The following NPAS3 variants were observed in gnomAD, a reference collection of about 807,000 sequenced individuals.
NPAS3 encodes the protein neuronal PAS domain protein 3.
NPAS3 carries 14 observed loss-of-function variants against 73.1 expected under a neutral mutation model. That is an observed-to-expected ratio of 0.19 (90% CI 0.13 to 0.30). The LOEUF is 0.30. NPAS3 is among the 10% of genes least tolerant of loss of function. NPAS3 has a pLI of 1.00. For synonymous variants in NPAS3, 620 were observed against 541.5 expected, an observed-to-expected ratio of 1.14 and a Z score of -2.01; for missense variants, 1,096 against 1,250.0, an observed-to-expected ratio of 0.88 and a Z score of 1.86.
At chr14:33,370,051 A>G (rs2046018521) in intron 4 of NPAS3, among the ~76,000 whole-genome samples, 1 of 152,168 alleles carries the variant, frequency 6.6e-6, no homozygotes. Context: ...TCAGCAAAGT[A>G]GTATAGGCAT....
At chr14:33,446,544 T>C (rs1300694396) in intron 4 of NPAS3, among the ~76,000 whole-genome samples, 1 of 152,230 alleles carries the variant, frequency 6.6e-6, no homozygotes, top group Non-Finnish European at 1.5e-5. Flanking sequence ...CTTTACTAGA[T>C]AGTTGTATCT....
Position 33,654,937 on chromosome 14 carries a change from A to C in NPAS3, c.559-21274A>C, listed in dbSNP as rs534909605. On this transcript the variant is annotated intron_variant, in intron 5 of 11. Coordinates refer to ENST00000356141, the Ensembl canonical transcript of NPAS3. ...GAGGAAACTTAAAATGGGAGAAAGG[A>C]GGAAGGCTAGAACTTTCTGAATACA... Among the ~76,000 whole-genome samples the C allele has an allele frequency of 3.8e-4, 58 of 152,330 alleles. No individual in the cohort carries two copies. The South Asian group carries it at 4.6e-3, about 12-fold the overall frequency.
chr14:33,604,411 T>C lies in NPAS3; in HGVS notation c.558+44201T>C, dbSNP rs76412905. ...TCAGATCAAAGAATATAACTATGGA[T>C]AAAGAAGTTCATTTCATAATAAAAA... is the stretch of plus-strand genomic sequence containing the variant. On this transcript the variant is annotated intron_variant, in intron 5 of 11. Transcript: ENST00000356141. Among the ~76,000 whole-genome samples, 2,042 of 152,126 alleles carry C rather than the reference T, an allele frequency of 0.013. 106 individuals are homozygous for C. The East Asian group carries it at 0.2, about 15-fold the overall frequency.
Position 33,394,833 on chromosome 14 carries a change from A to G in NPAS3, c.468+27565A>G, listed in dbSNP as rs1403623281. Among the ~76,000 whole-genome samples the G allele has an allele frequency of 2.0e-5, 3 of 152,148 alleles. No homozygotes were observed. The East Asian group carries it at 5.8e-4, about 29-fold the overall frequency. ...GTTGATAAGTGCATTTGCCTTGCAT[A>G]TTGTTTTTTATCTTTACCCAGATGC... On this transcript the variant is annotated intron_variant, in intron 4 of 11. Transcript: ENST00000356141.
At chr14:33,177,754 A>G in intron 2 of NPAS3, among the ~76,000 whole-genome samples, 1 of 152,218 alleles carries the variant, frequency 6.6e-6, no homozygotes, top group Non-Finnish European at 1.5e-5. Flanking sequence ...TTTGTTAAAG[A>G]AACTAGTCTT....
At position 33,362,689 on chromosome 14, in the gene NPAS3, C is replaced by G. The variant is rs530267383; in HGVS notation, c.386-4497C>G. ...AGGGGAGCTATCAGGGGTTACCGGGCATGAAGCCTGCCTTTTTGCCAGGCG... is the reference window on the plus strand; with the variant it reads ...AGGGGAGCTATCAGGGGTTACCGGGGATGAAGCCTGCCTTTTTGCCAGGCG... On this transcript the variant is annotated intron_variant, in intron 3 of 11. Coordinates refer to ENST00000356141, the Ensembl canonical transcript of NPAS3. Among the ~76,000 whole-genome samples the G allele has an allele frequency of 1.9e-4, 29 of 152,214 alleles. No individual in the cohort carries two copies. In the East Asian group the frequency reaches 5.2e-3, roughly 27 times the overall value.
At chr14:33,420,612 A>G (rs948786465) in intron 4 of NPAS3, among the ~76,000 whole-genome samples, 2 of 151,924 alleles carry the variant, frequency 1.3e-5, no homozygotes, top group African/African-American at 4.8e-5. Context: ...ATTGCAAAGC[A>G]CAGATGGATA....
chr14:33,082,407 G>T (rs2041888441), intron 2 of NPAS3, among the ~76,000 whole-genome samples: 1 of 152,146 alleles, frequency 6.6e-6, no homozygotes. Flanking sequence ...TTGCAAATTT[G>T]ATTTAAAAGA....
chr14:33,466,404 G>A (rs2050527590), intron 4 of NPAS3, among the ~76,000 whole-genome samples: 1 of 152,250 alleles, frequency 6.6e-6, no homozygotes, highest in South Asian at 2.1e-4. Flanking sequence ...TCACATAATG[G>A]AAGTAGCCAT....
intron 4 of NPAS3, among the ~76,000 whole-genome samples, chr14:33,403,589 G>A (rs1310887589): frequency 6.6e-6 from 1 of 152,082 alleles, no homozygotes; most frequent in African/African-American, 2.4e-5. Flanking sequence ...GGTACATGGG[G>A]TTTGTATTCA....
intron 2 of NPAS3, among the ~76,000 whole-genome samples, chr14:33,143,833 T>C (rs2044145751): frequency 6.6e-6 from 1 of 152,224 alleles, no homozygotes; most frequent in Non-Finnish European, 1.5e-5. Flanking sequence ...GCCTTTTGTG[T>C]CTGGTTTCTT....
intron 2 of NPAS3, among the ~76,000 whole-genome samples, chr14:33,095,783 C>T (rs566966985): frequency 1.3e-5 from 2 of 151,332 alleles, no homozygotes; most frequent in East Asian, 3.9e-4. Flanking sequence ...ATTCTCCTGC[C>T]TCAGCCTCTG....
In NPAS3 at chr14:33,116,062, G is replaced by C. The variant is rs571590204; in HGVS notation, c.140+60068G>C. ...CAAATTGTCATTTCTCTTAAAAAAA[G>C]AAAAAAGAGTCAGCTTTAAAATCTG... On this transcript the variant is annotated intron_variant, in intron 2 of 11. Coordinates refer to ENST00000356141, the Ensembl canonical transcript of NPAS3. Among the ~76,000 whole-genome samples the C allele has an allele frequency of 7.2e-5, 11 of 152,052 alleles. No homozygotes were observed. In the South Asian group the frequency reaches 8.3e-4, roughly 11 times the overall value.
At chr14:33,480,990 G>T (rs970371186) in intron 4 of NPAS3, among the ~76,000 whole-genome samples, 1 of 152,054 alleles carries the variant, frequency 6.6e-6, no homozygotes, top group Non-Finnish European at 1.5e-5. Context: ...TGGCCATCTA[G>T]AGCCTCATGC....
chr14:33,033,630 A>G (rs1405424686), intron 1 of NPAS3, among the ~76,000 whole-genome samples: 1 of 152,162 alleles, frequency 6.6e-6, no homozygotes, highest in Non-Finnish European at 1.5e-5. Context: ...TCTCTGCCCA[A>G]TGGTTCATTT....
intron 9 of NPAS3, among the ~76,000 whole-genome samples, chr14:33,787,754 G>A (rs897223678): frequency 1.3e-5 from 2 of 152,124 alleles, no homozygotes; most frequent in African/African-American, 2.4e-5. Context: ...TCTCTTTTGC[G>A]AGTAAATAAA....
intron 2 of NPAS3, among the ~76,000 whole-genome samples, chr14:33,144,079 A>G (rs2044155020): frequency 6.6e-6 from 1 of 152,174 alleles, no homozygotes; most frequent in Non-Finnish European, 1.5e-5. Flanking sequence ...TATACCTGAG[A>G]CTGGAATTGC....
chr14:33,420,275 C>T (rs1000399598), intron 4 of NPAS3, among the ~76,000 whole-genome samples: 4 of 152,086 alleles, frequency 2.6e-5, no homozygotes, highest in African/African-American at 9.6e-5. Context: ...CACCCTCAGC[C>T]ACCATGTGTA....
intron 5 of NPAS3, among the ~76,000 whole-genome samples, chr14:33,654,686 C>T (rs1226921515): frequency 1.3e-5 from 2 of 152,196 alleles, no homozygotes; most frequent in East Asian, 3.8e-4. Flanking sequence ...ATGCTGCTGA[C>T]TAGCCAACTG....
Sources: allele counts gnomAD v4.1 joint callset (sites outside exome capture counted in the v4.1 genomes callset), GRCh38; gene constraint gnomAD v4.1.1; transcripts MANE v1.5; gene names NCBI Gene and HGNC (gene_info 2026-07-23, HGNC 2026-07-21).